UGT1A6: variants seen among roughly 807,000 people sequenced by gnomAD.
UGT1A6 encodes the protein UDP-glucuronosyltransferase 1A6.
In UGT1A6, 32 loss-of-function variants were observed where a neutral mutation model predicts 44.4. The ratio of observed to expected loss-of-function variants is 0.72; its 90% CI spans 0.54 to 0.97. UGT1A6 has a LOEUF of 0.97. UGT1A6 is among the 50% of genes least tolerant of loss of function. The probability of loss-of-function intolerance (pLI) is 0.00; values close to 1 mark genes in which losing one functional copy is unlikely to be tolerated. For missense variants in UGT1A6, 685 were observed against 661.9 expected (o/e 1.03, Z -0.38); for synonymous variants, 238 against 248.5 (o/e 0.96, Z 0.40).
At chr2:233,746,500 G>A (rs1693410791) in intron 1 of UGT1A6, among the ~76,000 whole-genome samples, 1 of 151,712 alleles carries the variant, frequency 6.6e-6, no homozygotes, top group African/African-American at 2.4e-5. Context: ...TCACTCTTTA[G>A]TAGCCCCCAA....
intron 1 of UGT1A6, among the ~76,000 whole-genome samples, chr2:233,711,791 G>C (rs1289968745): frequency 1.3e-5 from 2 of 152,218 alleles, no homozygotes; most frequent in African/African-American, 4.8e-5. Context: ...GCACAGCCCA[G>C]AGAGCCTGCC....
intron 1 of UGT1A6, among the ~76,000 whole-genome samples, chr2:233,757,340 GC>G (rs1259479827): frequency 3.3e-5 from 5 of 151,162 alleles, no homozygotes; most frequent in Non-Finnish European, 7.4e-5. Flanking sequence ...GACCATGACA[GC>G]TGGGTCTGAG....
intron 4 of UGT1A6, among the ~76,000 whole-genome samples, chr2:233,771,893 A>G (rs546838054): frequency 6.6e-6 from 1 of 150,952 alleles, no homozygotes; most frequent in Admixed American, 6.6e-5. Flanking sequence ...TCTTAATTAT[A>G]ACCTTTCAGG....
intron 1 of UGT1A6, chr2:233,729,977 GGAA>G: frequency 1.2e-6 from 2 of 1,614,018 alleles, no homozygotes; most frequent in African/African-American, 2.7e-5. Flanking sequence ...TGTGCCAACA[GGAA>G]GCCACTATCT....
chr2:233,708,617 A>T (rs1206413155), intron 1 of UGT1A6: 2 of 152,068 alleles, frequency 1.3e-5, no homozygotes, highest in African/African-American at 4.8e-5. Flanking sequence ...TGGACATGGT[A>T]GCGTGTGCCT....
chr2:233,698,244 A>G (rs951400538), intron 1 of UGT1A6, among the ~76,000 whole-genome samples: 3 of 152,206 alleles, frequency 2.0e-5, no homozygotes, highest in South Asian at 2.1e-4. Flanking sequence ...TCAAAATAGA[A>G]TTTCTTTTGT....
Position 233,693,203 on chromosome 2 carries a change from T to C in UGT1A6, c.199T>C (p.Leu67=), listed in dbSNP as rs763106446. The change falls in exon 1 of 5, where the codon TTG becomes CTG. Residue 67 remains leucine, a synonymous_variant. Transcript: ENST00000305139. The stretch of plus-strand genomic sequence containing the variant: ...GGTGGTGCCTGAAGTTAATTTGCTT[T>C]TGAAAGAATCCAAATACTACACAAG... ...VVVVPEVNLL[L]KESKYYTRKI... is the part of the protein sequence containing the mutation. 6.2e-7 allele frequency: 1 copy of C among 1,614,132 alleles called. No individual in the cohort carries two copies. Among genetic ancestry groups the C allele is most frequent in the South Asian group, 1.1e-5 (1 of 91,078 alleles).
intron 1 of UGT1A6, among the ~76,000 whole-genome samples, chr2:233,761,384 C>T (rs564518186): frequency 1.3e-5 from 2 of 152,326 alleles, no homozygotes; most frequent in South Asian, 4.1e-4. Flanking sequence ...ACTCTGTGTG[C>T]TCCAGTGGAT....
intron 1 of UGT1A6, chr2:233,743,958 G>C (rs747210262): frequency 1.5e-6 from 2 of 1,336,694 alleles, no homozygotes; most frequent in Non-Finnish European, 2.0e-6. Flanking sequence ...GGCACAGCGA[G>C]CGGCAAGGCT....
intron 1 of UGT1A6, among the ~76,000 whole-genome samples, chr2:233,749,032 A>G (rs1468122905): frequency 5.3e-5 from 8 of 151,716 alleles, no homozygotes; most frequent in Non-Finnish European, 1.2e-4. Flanking sequence ...TTTGGGGTTC[A>G]TTGATGTGGT....
At chr2:233,752,692 C>T (rs973009345) in intron 1 of UGT1A6, 1 of 152,166 alleles carries the variant, frequency 6.6e-6, no homozygotes, top group African/African-American at 2.4e-5. Flanking sequence ...TTCATGTTTA[C>T]TAGTGGGGTA....
rs1348146797 is a variant in UGT1A6, at chr2:233,724,071, C to G, written c.861+30206C>G. Among the ~76,000 whole-genome samples the G allele has an allele frequency of 1.6e-4, 15 of 96,248 alleles. 1 individual carries two copies. Among genetic ancestry groups the G allele is most frequent in the African/African-American group, 2.3e-4 (4 of 17,278 alleles). 63.1% of individuals were successfully genotyped at this position (96,248 alleles called of 152,430 possible). A position where few individuals can be genotyped will look rare whatever the true frequency, so the allele number is the denominator to read the frequency against. On this transcript the variant is annotated intron_variant, in intron 1 of 4. Coordinates refer to ENST00000305139, the MANE Select transcript of UGT1A6 (RefSeq NM_001072.4). ...CACACCTCCCAGACGGGGTGGTGGCCGGGCAGAGGGGCTCCTCACTTCCCA... is the reference window on the plus strand; with the variant it reads ...CACACCTCCCAGACGGGGTGGTGGCGGGGCAGAGGGGCTCCTCACTTCCCA...
chr2:233,753,193 A>G (rs1695148860), intron 1 of UGT1A6: 1 of 152,208 alleles, frequency 6.6e-6, no homozygotes, highest in Admixed American at 6.5e-5. Context: ...ATTTTTCAAA[A>G]GCCCTGACAG....
At chr2:233,695,130 CTTTT>C (rs71398796) in intron 1 of UGT1A6, among the ~76,000 whole-genome samples, 1 of 138,840 alleles carries the variant, frequency 7.2e-6, no homozygotes, top group Non-Finnish European at 1.5e-5. Flanking sequence ...CTTTTCTTTT[CTTTT>C]TTTTTTTTTT....
rs749836255 is a variant in UGT1A6 at position 233,760,959 on chromosome 2, C to T, written c.862-6075C>T. 27 of 1,614,184 alleles carry T rather than the reference C, an allele frequency of 1.7e-5. No homozygotes were observed. The highest frequency in any genetic ancestry group is 1.9e-5 in the Non-Finnish European group (23 of 1,180,034). On this transcript the variant is annotated intron_variant, in intron 1 of 4. Transcript: ENST00000305139. ...CCTTTTCACAGAACTTTCTGTGCGA[C>T]GTGGTTTATTCCCCGTATGCAACCC...
intron 1 of UGT1A6, among the ~76,000 whole-genome samples, chr2:233,698,591 A>G (rs2075449213): frequency 6.6e-6 from 1 of 152,214 alleles, no homozygotes; most frequent in Non-Finnish European, 1.5e-5. Context: ...ATAATCCAAG[A>G]AATTCGGATT....
chr2:233,723,591 A>C (rs1372709718), intron 1 of UGT1A6, among the ~76,000 whole-genome samples: 1 of 104,916 alleles, frequency 9.5e-6, no homozygotes, highest in Non-Finnish European at 1.8e-5. Context: ...GGGATTTGGC[A>C]GGGTCATGGG....
At chr2:233,734,764 G>A (rs902615341) in intron 1 of UGT1A6, among the ~76,000 whole-genome samples, 11 of 152,078 alleles carry the variant, frequency 7.2e-5, no homozygotes, top group African/African-American at 2.2e-4. Flanking sequence ...CCTTCACTTC[G>A]TTATTTACCC....
intron 1 of UGT1A6, among the ~76,000 whole-genome samples, chr2:233,695,274 T>A (rs1346738966): frequency 6.6e-6 from 1 of 152,090 alleles, no homozygotes; most frequent in South Asian, 2.1e-4. Flanking sequence ...TATAGGCATG[T>A]GCCACCATTC....
Sources: gnomAD v4.1 joint callset for allele counts (sites outside exome capture counted in the v4.1 genomes callset) on GRCh38, gnomAD v4.1.1 for gene constraint, MANE v1.5 for transcripts, NCBI Gene and HGNC (gene_info 2026-07-23, HGNC 2026-07-21) for gene names.